Variants in CAPRIN2 observed in about 807,000 individuals in gnomAD.
CAPRIN2 encodes caprin family member 2.
A neutral mutation model predicts 130.4 loss-of-function variants in CAPRIN2; 66 were observed. That is an observed-to-expected ratio of 0.51 (90% CI 0.42 to 0.62). CAPRIN2 has a LOEUF of 0.62. Among genes scored for constraint, CAPRIN2 ranks in the 20% least tolerant of loss-of-function variants. The pLI is 0.00. For missense variants in CAPRIN2, 1,185 were observed against 1,246.6 expected (o/e 0.95, Z 0.74); for synonymous variants, 471 against 444.1 (o/e 1.06, Z -0.76).
chr12:30,726,326 T>A (rs1020873479), intron 8 of CAPRIN2, among the ~76,000 whole-genome samples: 1 of 152,184 alleles, frequency 6.6e-6, no homozygotes, highest in Non-Finnish European at 1.5e-5. Context: ...AAAGGGAAGA[T>A]CCAGCAGAAC....
intron 11 of CAPRIN2, among the ~76,000 whole-genome samples, chr12:30,722,593 C>A (rs2137159600): frequency 6.6e-6 from 1 of 152,282 alleles, no homozygotes; most frequent in South Asian, 2.1e-4. Context: ...ATATACCCTG[C>A]TCAACAAATA....
chr12:30,729,202 G>C, exon 8 of CAPRIN2: 1 of 1,613,958 alleles, frequency 6.2e-7, no homozygotes, highest in Non-Finnish European at 8.5e-7. Flanking sequence ...TGACCATCTG[G>C]TTCAGTAAGC....
At chr12:30,753,209 C>T (rs969585035) in intron 1 of CAPRIN2, 135 bp downstream of exon 2, 11 of 667,868 alleles carry the variant, frequency 1.6e-5, no homozygotes, top group African/African-American at 3.6e-5. Context: ...CAACACGTAA[C>T]CTGCTTGTTT....
In CAPRIN2 at chr12:30,728,731, G is replaced by C. The variant is rs761140697; in HGVS notation, c.1699C>G (p.Pro567Ala). Residue 567 changes from proline (P) to alanine (A), a missense_variant, in exon 8 of 17, where the codon CCA (proline) becomes GCA (alanine). Physicochemically the swap from Pro to Ala is conservative, Grantham distance 27 (BLOSUM62 -1). Around this residue, in one of 2 missense-constraint regions of CAPRIN2, gnomAD observed 1,104 missense variants for 1,104.3 expected, o/e 1.00. Transcript: ENST00000298892. The stretch of plus-strand genomic sequence containing the variant: ...GCTGTAGCTACTCCCCAGGACTTTG[G>C]AGAAATCTGTGACTGTGATGTTAAA... 5.0e-6 allele frequency: 8 copies of C among 1,613,978 alleles called. No individual in the cohort carries two copies. The South Asian group carries it at 8.8e-5, about 18-fold the overall frequency.
intron 12 of CAPRIN2, 74 bp from the exon 14 acceptor site, chr12:30,719,299 C>A: frequency 6.5e-7 from 1 of 1,550,116 alleles, no homozygotes; most frequent in South Asian, 1.2e-5. Context: ...AAAACCCAAA[C>A]TGGCATAAGT....
intron 10 of CAPRIN2, among the ~76,000 whole-genome samples, chr12:30,723,941 A>G (rs2060161624): frequency 1.3e-5 from 2 of 152,224 alleles, no homozygotes; most frequent in Admixed American, 1.3e-4. Flanking sequence ...GCTTTGAAGC[A>G]TCAGACCAGA....
intron 8 of CAPRIN2, 93 bp downstream of exon 9, chr12:30,728,554 CA>C (rs11406794): frequency 0.058 from 45,759 of 788,192 alleles, no homozygotes; most frequent in South Asian, 0.084. Context: ...TTCTCCATCT[CA>C]AAAAAAAAAA....
At chr12:30,716,316 T>G (rs1442616474) in intron 13 of CAPRIN2, 192 bp downstream of exon 15, 1 of 513,684 alleles carries the variant, frequency 1.9e-6, no homozygotes, top group African/African-American at 2.0e-5. Flanking sequence ...TCTACAAAAA[T>G]TAAAATTAAT....
At chr12:30,721,269 C>G (rs2059331015) in intron 11 of CAPRIN2, among the ~76,000 whole-genome samples, 2 of 152,184 alleles carry the variant, frequency 1.3e-5, no homozygotes, top group South Asian at 4.1e-4. Context: ...TTCACTGATT[C>G]TTGGCCCTGT....
At chr12:30,720,522 A>G (rs549042265) in intron 12 of CAPRIN2, 19 of 223,756 alleles carry the variant, frequency 8.5e-5, no homozygotes, top group South Asian at 3.0e-4. Flanking sequence ...CCTTCAGTGT[A>G]AATATAGTGG....
intron 8 of CAPRIN2, among the ~76,000 whole-genome samples, chr12:30,726,783 A>G (rs2061065793): frequency 6.6e-6 from 1 of 152,224 alleles, no homozygotes; most frequent in South Asian, 2.1e-4. Flanking sequence ...TTAAGAGACC[A>G]TAAGTGAGTA....
At chr12:30,711,959 C>A (rs1191540396) in intron 15 of CAPRIN2, among the ~76,000 whole-genome samples, 1 of 152,168 alleles carries the variant, frequency 6.6e-6, no homozygotes, top group Non-Finnish European at 1.5e-5. Context: ...CTCTGTCCCT[C>A]ATCTCAGTAT....
At chr12:30,719,557 T>G (rs1444875909) in intron 12 of CAPRIN2, 1 of 191,010 alleles carries the variant, frequency 5.2e-6, no homozygotes, top group African/African-American at 2.3e-5. Context: ...TCAAAATTTA[T>G]ACATCAGAAT....
At chr12:30,723,171 A>C in intron 11 of CAPRIN2, 88 bp downstream of exon 12, 2 of 895,606 alleles carry the variant, frequency 2.2e-6, no homozygotes, top group Non-Finnish European at 3.7e-6. Context: ...CATTAGGTAC[A>C]TGAGAATCAG....
At chr12:30,713,415 G>A (rs1012031151) in intron 15 of CAPRIN2, among the ~76,000 whole-genome samples, 14 of 151,864 alleles carry the variant, frequency 9.2e-5, no homozygotes, top group Admixed American at 6.6e-4. Flanking sequence ...TAAAATCATG[G>A]GCTCTGGAGT....
At chr12:30,754,034 C>T (rs996201171) in exon 1 of CAPRIN2, 2 of 382,008 alleles carry the variant, frequency 5.2e-6, no homozygotes, top group Admixed American at 4.1e-5. Flanking sequence ...CACCACCAGC[C>T]CTAACCTCAA....
At chr12:30,749,081 C>A (rs766147805) in intron 2 of CAPRIN2, among the ~76,000 whole-genome samples, 2 of 152,052 alleles carry the variant, frequency 1.3e-5, no homozygotes, top group Non-Finnish European at 2.9e-5. Context: ...AAATAAAAGG[C>A]TGAAGGAGGT....
intron 3 of CAPRIN2, among the ~76,000 whole-genome samples, chr12:30,737,814 G>A (rs2065601242): frequency 6.6e-6 from 1 of 151,970 alleles, no homozygotes; most frequent in Non-Finnish European, 1.5e-5. Context: ...AGCTAGGATG[G>A]TCTGGATCTC....
chr12:30,751,198 G>T, intron 1 of CAPRIN2, 65 bp from the exon 3 acceptor site: 1 of 1,263,924 alleles, frequency 7.9e-7, no homozygotes, highest in Non-Finnish European at 1.2e-6. Context: ...TAAAGTAAAT[G>T]CCAGATCTTG....
Sources: allele counts gnomAD v4.1 joint callset (sites outside exome capture counted in the v4.1 genomes callset), GRCh38; gene constraint gnomAD v4.1.1; regional missense constraint gnomAD v4.1.1; transcripts MANE v1.5; gene names NCBI Gene and HGNC (gene_info 2026-07-23, HGNC 2026-07-21).